The following IL12RB2 variants were observed in gnomAD, a reference collection of about 807,000 sequenced individuals.
The protein encoded by IL12RB2 is interleukin-12 receptor subunit beta-2.
IL12RB2 carries 82 observed loss-of-function variants against 89.4 expected under a neutral mutation model. That is an observed-to-expected ratio of 0.92 (90% CI 0.77 to 1.10). The LOEUF (loss-of-function observed/expected upper bound fraction) is 1.10, where lower values mean the gene tolerates loss of function less well. IL12RB2 is among the 50% of genes least tolerant of loss of function. The pLI, the probability that IL12RB2 is intolerant of heterozygous loss-of-function variation, is 0.00. For synonymous variants in IL12RB2, 368 were observed against 370.1 expected, an observed-to-expected ratio of 0.99 and a Z score of 0.07; for missense variants, 963 against 1,031.9, an observed-to-expected ratio of 0.93 and a Z score of 0.92.
intron 8 of IL12RB2, among the ~76,000 whole-genome samples, chr1:67,334,777 C>T (rs1476084980): frequency 3.3e-5 from 5 of 152,240 alleles, no homozygotes; most frequent in Non-Finnish European, 1.5e-5. Flanking sequence ...CCGCGCCCGG[C>T]CGGATTCTTC....
At position 67,396,116 on chromosome 1, in the gene IL12RB2, AGTGT is replaced by A; in HGVS notation, c.*29_*32del. The A allele has an allele frequency of 7.2e-7, 1 of 1,391,478 alleles. No homozygotes were observed. The highest frequency in any genetic ancestry group is 1.0e-6 in the Non-Finnish European group (1 of 978,918). The allele number at this position is 1,391,478 out of a possible 1,614,324, so 86.2% of individuals were successfully genotyped here. On this transcript the variant is annotated 3_prime_UTR_variant, in exon 17 of 17. Coordinates refer to ENST00000674203, the MANE Select transcript of IL12RB2 (RefSeq NM_001374259.2). ...TGGTGAGGCTTCAAGCCTTAAAGTC[AGTGT>A]GCCCTCAACCAGCACAGCCTGCCCC... is the stretch of plus-strand genomic sequence containing the variant.
chr1:67,390,224 A>C (rs1665659049), intron 16 of IL12RB2, 96 bp downstream of exon 16: 4 of 754,512 alleles, frequency 5.3e-6, no homozygotes, highest in South Asian at 4.3e-5. Context: ...GGGTGCTGAG[A>C]TCCTATGGTT....
At chr1:67,340,293 A>G (rs1659378872) in intron 9 of IL12RB2, among the ~76,000 whole-genome samples, 1 of 152,236 alleles carries the variant, frequency 6.6e-6, no homozygotes, top group Non-Finnish European at 1.5e-5. Flanking sequence ...TAGCAAGACA[A>G]TTCTCAAAGC....
At chr1:67,334,722 G>A (rs1319136644) in intron 8 of IL12RB2, among the ~76,000 whole-genome samples, 12 of 152,010 alleles carry the variant, frequency 7.9e-5, no homozygotes, top group African/African-American at 2.7e-4. Flanking sequence ...CTTGGGATCT[G>A]TCTGCCTCAG....
chr1:67,341,966 T>C, intron 9 of IL12RB2, among the ~76,000 whole-genome samples: 1 of 24,008 alleles, frequency 4.2e-5, no homozygotes, highest in East Asian at 3.9e-3. Context: ...CAAGAGGTGA[T>C]TTTCCAGTGA....
intron 16 of IL12RB2, among the ~76,000 whole-genome samples, chr1:67,393,021 G>A (rs1665994574): frequency 1.3e-5 from 2 of 152,270 alleles, no homozygotes; most frequent in Admixed American, 6.5e-5. Context: ...ATATGGCCTC[G>A]AGGATGAAAG....
intron 11 of IL12RB2, among the ~76,000 whole-genome samples, chr1:67,369,185 C>A (rs1557455441): frequency 6.6e-6 from 1 of 152,138 alleles, no homozygotes; most frequent in Non-Finnish European, 1.5e-5. Flanking sequence ...AGAATGCTGC[C>A]TACATAACCT....
intron 2 of IL12RB2, among the ~76,000 whole-genome samples, chr1:67,316,465 G>A (rs186293428): frequency 5.4e-5 from 7 of 129,628 alleles, no homozygotes; most frequent in South Asian, 2.6e-4. Context: ...AATGTCACTC[G>A]TAGCTCGTTA....
intron 11 of IL12RB2, among the ~76,000 whole-genome samples, chr1:67,372,063 G>T (rs930479702): frequency 1.2e-5 from 1 of 84,650 alleles, no homozygotes; most frequent in African/African-American, 3.4e-5. Flanking sequence ...AAGCAGTCTG[G>T]GTGCGTGTGT....
chr1:67,340,338 A>T (rs1206156678), intron 9 of IL12RB2, among the ~76,000 whole-genome samples: 3 of 152,262 alleles, frequency 2.0e-5, no homozygotes, highest in Non-Finnish European at 4.4e-5. Flanking sequence ...TGTGAATATT[A>T]TAGAAGAACC....
At chr1:67,326,943 T>TTGTATTTA in intron 5 of IL12RB2, 94 bp downstream of exon 5, 1 of 696,460 alleles carries the variant, frequency 1.4e-6, no homozygotes, top group Non-Finnish European at 1.8e-6. Flanking sequence ...TTTTATTTTA[T>TTGTATTTA]TTTATTTATT....
intron 1 of IL12RB2, among the ~76,000 whole-genome samples, chr1:67,308,755 C>T (rs1408257329): frequency 6.6e-6 from 1 of 152,174 alleles, no homozygotes; most frequent in Non-Finnish European, 1.5e-5. Context: ...CACGGTGGCT[C>T]ACGCCTGTAA....
intron 10 of IL12RB2, 78 bp from the exon 11 acceptor site, chr1:67,367,747 T>C: frequency 1.2e-6 from 1 of 844,268 alleles, no homozygotes; most frequent in Non-Finnish European, 2.1e-6. Flanking sequence ...TGGGATAAGC[T>C]GTTTGGCTTT....
In IL12RB2 at chr1:67,330,714, A is replaced by T. The variant is rs1264018002; in HGVS notation, c.862A>T (p.Thr288Ser). 6.5e-7 allele frequency: 1 copy of T among 1,528,388 alleles called. No individual in the cohort carries two copies. Among genetic ancestry groups the T allele is most frequent in the South Asian group, 1.1e-5 (1 of 89,316 alleles). 94.7% of individuals were successfully genotyped at this position (1,528,388 alleles called of 1,614,324 possible). Reference sequence around the variant, plus strand: ...TGATTTGCTGGATCTGAAACCATTTACAGAATATGAATTTCAGATTTCCTC... The same window carrying T: ...TGATTTGCTGGATCTGAAACCATTTTCAGAATATGAATTTCAGATTTCCTC... ...RHDLLDLKPF[T>S]EYEFQISSKL... Residue 288 changes from threonine to serine, a missense_variant, in exon 8 of 17, where the codon ACA (threonine) becomes TCA (serine). Thr to Ser is a moderately conservative substitution (Grantham distance 58, BLOSUM62 1). Coordinates refer to ENST00000674203, the MANE Select transcript of IL12RB2 (RefSeq NM_001374259.2).
chr1:67,392,623 C>CTTTTTTTT (rs527587132), intron 16 of IL12RB2, among the ~76,000 whole-genome samples: 1 of 84,250 alleles, frequency 1.2e-5, no homozygotes, highest in Non-Finnish European at 2.1e-5. Flanking sequence ...TTTTAGATAT[C>CTTTTTTTT]TTTTTTTTTT....
chr1:67,324,283 C>T (rs965905686), intron 4 of IL12RB2, among the ~76,000 whole-genome samples: 8 of 152,154 alleles, frequency 5.3e-5, no homozygotes, highest in Non-Finnish European at 1.0e-4. Flanking sequence ...AGTGCGGTGG[C>T]GCAATCTCGT....
intron 10 of IL12RB2, among the ~76,000 whole-genome samples, chr1:67,355,458 C>A (rs1661294571): frequency 6.8e-6 from 1 of 147,070 alleles, no homozygotes; most frequent in African/African-American, 2.5e-5. Context: ...GTGTGCTAAA[C>A]CTACCAGTCA....
chr1:67,314,411 A>G (rs1655490240), intron 2 of IL12RB2, among the ~76,000 whole-genome samples: 4 of 152,196 alleles, frequency 2.6e-5, no homozygotes, highest in Admixed American at 2.6e-4. Flanking sequence ...TCATGAATCC[A>G]TGACACCATG....
chr1:67,329,423 C>T (rs942329928), intron 6 of IL12RB2, among the ~76,000 whole-genome samples, 164 bp from the exon 7 acceptor site: 2 of 152,164 alleles, frequency 1.3e-5, no homozygotes, highest in African/African-American at 2.4e-5. Flanking sequence ...TAAAAAAGTT[C>T]TTTCTTAAAG....
Sources: gnomAD v4.1 joint callset for allele counts (sites outside exome capture counted in the v4.1 genomes callset) on GRCh38, gnomAD v4.1.1 for gene constraint, MANE v1.5 for transcripts, NCBI Gene and HGNC (gene_info 2026-07-23, HGNC 2026-07-21) for gene names.